Variants in RGS6 observed in about 807,000 individuals in gnomAD.
RGS6 encodes the protein regulator of G-protein signaling 6.
RGS6 carries 30 observed loss-of-function variants against 78.5 expected under a neutral mutation model. The ratio of observed to expected loss-of-function variants is 0.38; its 90% CI spans 0.29 to 0.52. The LOEUF (loss-of-function observed/expected upper bound fraction) is 0.52, where lower values mean the gene tolerates loss of function less well. RGS6 is among the 20% of genes least tolerant of loss of function. The pLI, the probability that RGS6 is intolerant of heterozygous loss-of-function variation, is 0.85. For missense variants in RGS6, 495 were observed against 609.7 expected (o/e 0.81, Z 1.98); for synonymous variants, 206 against 206.0 (o/e 1.00, Z 0.00).
At position 72,081,582 on chromosome 14, in the gene RGS6, G is replaced by C. The variant is rs927520361; in HGVS notation, c.84+116707G>C. The stretch of plus-strand genomic sequence containing the variant: ...GTCAAGCATTGCAGACGAGAAGTCT[G>C]ATGGTAGACTAATTATTTTCCCTTT... On this transcript the variant is annotated intron_variant, in intron 2 of 17. Transcript: ENST00000553525. Among the ~76,000 whole-genome samples, 12 of 152,240 alleles carry C rather than the reference G, an allele frequency of 7.9e-5. No homozygotes were observed. In the South Asian group the frequency reaches 2.3e-3, roughly 29 times the overall value.
chr14:72,210,364 G>A (rs1036888368), intron 2 of RGS6, among the ~76,000 whole-genome samples: 1 of 152,054 alleles, frequency 6.6e-6, no homozygotes, highest in Non-Finnish European at 1.5e-5. Context: ...ACCTACATTT[G>A]GTCTCCACAA....
At chr14:72,049,508 C>T (rs963919895) in intron 2 of RGS6, among the ~76,000 whole-genome samples, 3 of 152,188 alleles carry the variant, frequency 2.0e-5, no homozygotes, top group Admixed American at 6.5e-5. Context: ...AATCTCTCAT[C>T]TTTTGCAGAT....
chr14:72,266,201 A>G (rs1436138813), intron 2 of RGS6, among the ~76,000 whole-genome samples: 1 of 152,168 alleles, frequency 6.6e-6, no homozygotes, highest in African/African-American at 2.4e-5. Context: ...AGATGGCTTC[A>G]CATGCCTGGC....
intron 2 of RGS6, among the ~76,000 whole-genome samples, chr14:72,130,654 G>A (rs958782933): frequency 1.2e-4 from 19 of 152,318 alleles, no homozygotes; most frequent in African/African-American, 4.6e-4. Context: ...CAGGGTTGAT[G>A]ACAAAGAATG....
intron 2 of RGS6, among the ~76,000 whole-genome samples, chr14:72,193,595 G>A (rs1417837135): frequency 6.6e-6 from 1 of 152,198 alleles, no homozygotes; most frequent in Non-Finnish European, 1.5e-5. Context: ...CAATGAATGA[G>A]TAGTCAAATA....
intron 15 of RGS6, among the ~76,000 whole-genome samples, chr14:72,527,370 A>G (rs951785170): frequency 2.0e-4 from 30 of 152,214 alleles, no homozygotes; most frequent in African/African-American, 6.8e-4. Context: ...CAGCACTTCA[A>G]TGTGAGAAGA....
chr14:72,074,650 C>T lies in RGS6; in HGVS notation c.84+109775C>T, dbSNP rs542193849. 9.9e-5 allele frequency among the ~76,000 whole-genome samples: 15 copies of T among 151,736 alleles called. No individual in the cohort carries two copies. In the South Asian group the frequency reaches 2.9e-3, roughly 30 times the overall value. On this transcript the variant is annotated intron_variant, in intron 2 of 17. Transcript: ENST00000553525. ...TGTACCAGTGTAGAGCCTGTTTTTC[C>T]GAGCATCTACATGCTCAATGCTATT...
chr14:72,367,209 T>C (rs778361128), intron 3 of RGS6, among the ~76,000 whole-genome samples: 8 of 152,204 alleles, frequency 5.3e-5, no homozygotes, highest in Non-Finnish European at 1.0e-4. Context: ...TGATGCGTTC[T>C]CCCTGAACAT....
At chr14:72,376,099 T>C (rs2084641873) in intron 3 of RGS6, among the ~76,000 whole-genome samples, 1 of 152,120 alleles carries the variant, frequency 6.6e-6, no homozygotes, top group Admixed American at 6.5e-5. Flanking sequence ...TAAGAAAATA[T>C]ATTCAATGAA....
intron 2 of RGS6, among the ~76,000 whole-genome samples, chr14:72,039,965 C>T (rs1365294697): frequency 1.3e-5 from 2 of 151,936 alleles, no homozygotes; most frequent in East Asian, 3.8e-4. Context: ...AACTACCTAA[C>T]TTTGATCACA....
intron 2 of RGS6, among the ~76,000 whole-genome samples, chr14:72,236,205 G>T (rs1024082606): frequency 1.1e-4 from 16 of 152,038 alleles, no homozygotes; most frequent in Non-Finnish European, 2.2e-4. Flanking sequence ...TTGTTCAGTG[G>T]GTCCCCTGCA....
At chr14:72,225,715 A>G (rs923446547) in intron 2 of RGS6, among the ~76,000 whole-genome samples, 3 of 152,222 alleles carry the variant, frequency 2.0e-5, no homozygotes, top group African/African-American at 4.8e-5. Flanking sequence ...TATAGCATGT[A>G]TTCCTCTAGC....
chr14:72,456,581 C>T (rs1434470124), intron 4 of RGS6, among the ~76,000 whole-genome samples: 1 of 152,188 alleles, frequency 6.6e-6, no homozygotes, highest in East Asian at 1.9e-4. Context: ...AGGTGTGAGA[C>T]ACTGCACCTG....
intron 2 of RGS6, among the ~76,000 whole-genome samples, chr14:72,164,099 A>G (rs12896782): frequency 0.14 from 21,479 of 152,056 alleles, 1,624 homozygotes; most frequent in South Asian, 0.21. Flanking sequence ...TTAGCCAGCA[A>G]GGGGATTGTT....
chr14:72,340,019 C>G (rs1595985898), intron 2 of RGS6, among the ~76,000 whole-genome samples: 1 of 152,072 alleles, frequency 6.6e-6, no homozygotes, highest in East Asian at 1.9e-4. Context: ...GGCCCCTCTG[C>G]TATAAGAAAG....
At chr14:72,349,917 C>G (rs946414333) in intron 2 of RGS6, among the ~76,000 whole-genome samples, 6 of 152,180 alleles carry the variant, frequency 3.9e-5, no homozygotes, top group Non-Finnish European at 8.8e-5. Context: ...ATCAATGTAA[C>G]TGATACTTCT....
At chr14:72,397,643 T>C (rs1483307376) in intron 3 of RGS6, among the ~76,000 whole-genome samples, 2 of 152,224 alleles carry the variant, frequency 1.3e-5, no homozygotes, top group Non-Finnish European at 2.9e-5. Flanking sequence ...CCAAAGGGAA[T>C]GCTTCCAGTT....
At chr14:72,476,083 G>T (rs1169281942) in intron 10 of RGS6, among the ~76,000 whole-genome samples, 1 of 152,182 alleles carries the variant, frequency 6.6e-6, no homozygotes. Flanking sequence ...ATGCCCTTCA[G>T]TGTTTCATTT....
intron 2 of RGS6, among the ~76,000 whole-genome samples, chr14:71,989,582 A>C (rs2094869173): frequency 6.6e-6 from 1 of 152,232 alleles, no homozygotes; most frequent in Non-Finnish European, 1.5e-5. Flanking sequence ...AGGGGTAAAG[A>C]GGCCTTTCTA....
Sources: allele counts gnomAD v4.1 joint callset (sites outside exome capture counted in the v4.1 genomes callset), GRCh38; gene constraint gnomAD v4.1.1; transcripts MANE v1.5; gene names NCBI Gene and HGNC (gene_info 2026-07-23, HGNC 2026-07-21).